Variants in TREH observed in about 807,000 individuals in gnomAD.
TREH encodes the protein trehalase.
Under a neutral mutation model 80.5 loss-of-function variants are expected in TREH, and 69 were observed. That is an observed-to-expected ratio of 0.86 (90% CI 0.71 to 1.05). The LOEUF (loss-of-function observed/expected upper bound fraction) is 1.05, where lower values mean the gene tolerates loss of function less well. Ranked by LOEUF, TREH falls within the 50% of genes least tolerant of loss-of-function variation. The pLI, the probability that TREH is intolerant of heterozygous loss-of-function variation, is 0.00. For synonymous variants in TREH, 309 were observed against 293.5 expected, an observed-to-expected ratio of 1.05 and a Z score of -0.54; for missense variants, 716 against 718.8, an observed-to-expected ratio of 1.00 and a Z score of 0.04.
chr11:118,679,102 G>C (rs1387654922), intron 1 of TREH, among the ~76,000 whole-genome samples: 5 of 152,182 alleles, frequency 3.3e-5, no homozygotes, highest in African/African-American at 1.2e-4. Flanking sequence ...CCCGACAGGG[G>C]GCGGTGGCTC....
Position 118,663,067 on chromosome 11 carries a change from G to A in TREH, c.320C>T (p.Ala107Val), listed in dbSNP as rs781890139. ...KGQELQPWTP[A>V]DWKDSPQFLQ... Reference sequence around the variant, plus strand: ...AGAGTCATACCTGTCTTTCCAGTCTGCAGGGGTCCAGGGCTGCAGCTCCTG... The same window carrying A: ...AGAGTCATACCTGTCTTTCCAGTCTACAGGGGTCCAGGGCTGCAGCTCCTG... Residue 107 changes from alanine to valine, a missense_variant, in exon 3 of 15, where the codon GCA (alanine) becomes GTA (valine). By Grantham distance (64) the Ala-to-Val change is moderately conservative. Transcript: ENST00000264029. 3 of 1,613,728 alleles carry A rather than the reference G, an allele frequency of 1.9e-6. No homozygotes were observed. Among genetic ancestry groups the A allele is most frequent in the Non-Finnish European group, 2.5e-6 (3 of 1,179,794 alleles).
Position 118,675,245 on chromosome 11 carries a change from G to C in TREH, c.89+4294C>G, listed in dbSNP as rs1159139608. 3.3e-5 allele frequency among the ~76,000 whole-genome samples: 5 copies of C among 152,098 alleles called. No individual in the cohort carries two copies. In the East Asian group the frequency reaches 9.6e-4, roughly 29 times the overall value. ...CCAACCCATATGTTTCAGTGAGTCA[G>C]GGTCATTCTAGTAAATCCACATTTT... On this transcript the variant is annotated intron_variant, in intron 1 of 14. Transcript: ENST00000264029.
At chr11:118,667,210 G>A (rs1183419974) in intron 1 of TREH, among the ~76,000 whole-genome samples, 2 of 151,454 alleles carry the variant, frequency 1.3e-5, no homozygotes, top group East Asian at 1.9e-4. Context: ...ACAAGGGTTC[G>A]CTCTATCACC....
chr11:118,676,570 C>T (rs1949480852), intron 1 of TREH, among the ~76,000 whole-genome samples: 1 of 208 alleles, frequency 4.8e-3, no homozygotes, highest in Admixed American at 0.038. Flanking sequence ...GAGTTTAAGA[C>T]CAGCTGGCCA....
chr11:118,658,618 G>T, intron 14 of TREH, 62 bp downstream of exon 14: 1 of 1,548,338 alleles, frequency 6.5e-7, no homozygotes. Context: ...TGGGGCGGGG[G>T]TCATGAGCAG....
chr11:118,661,274 A>T lies in TREH; in HGVS notation c.743T>A (p.Ile248Asn). ...GTCCAATTCCAAGGCTAGTGTTTCAATGTTTTCCCTGGAGTGAAGCAGACA... is the reference window on the plus strand; with the variant it reads ...GTCCAATTCCAAGGCTAGTGTTTCATTGTTTTCCCTGGAGTGAAGCAGACA... ...TNDTAFLQEN[I>N]ETLALELDFW... The change falls in exon 8 of 15, where the codon ATT becomes AAT. Residue 248 changes from isoleucine to asparagine, a missense_variant. Transcript: ENST00000264029. The surrounding 1 kb of genome is among the most constrained non-coding windows in gnomAD (Gnocchi z 4.2). 1.2e-6 allele frequency: 2 copies of T among 1,613,940 alleles called. No homozygotes were observed. Among genetic ancestry groups the T allele is most frequent in the Non-Finnish European group, 1.7e-6 (2 of 1,179,866 alleles).
intron 1 of TREH, among the ~76,000 whole-genome samples, chr11:118,666,794 T>C (rs558732351): frequency 2.6e-5 from 4 of 152,356 alleles, no homozygotes; most frequent in Admixed American, 2.0e-4. Flanking sequence ...CCTGTCCCAA[T>C]GAGCTCCATG....
chr11:118,658,867 A>G, intron 13 of TREH, 38 bp downstream of exon 13: 1 of 1,611,684 alleles, frequency 6.2e-7, no homozygotes, highest in Non-Finnish European at 8.5e-7. Flanking sequence ...GGCCACTGGG[A>G]CAGCCTGGGG....
In TREH at chr11:118,661,698, G is replaced by A. The variant is rs781867760; in HGVS notation, c.556C>T (p.Leu186Phe). The A allele has an allele frequency of 6.2e-6, 10 of 1,613,874 alleles. No individual in the cohort carries two copies. The South Asian group carries it at 1.1e-4, about 18-fold the overall frequency. Residue 186 changes from leucine (L) to phenylalanine (F), a missense_variant, in exon 6 of 15, where the codon CTC (leucine) becomes TTC (phenylalanine). Transcript: ENST00000264029. This position sits in a 1 kb window ranked among gnomAD's most constrained non-coding sequence, Gnocchi z 4.2. ...DSYWVMEGLL[L>F]SEMAETVKGM... ...TTCACCGTCTCAGCCATCTCTGAGAGGAGCAGACCCTCCATGACCCAGTAG... is the reference window on the plus strand; with the variant it reads ...TTCACCGTCTCAGCCATCTCTGAGAAGAGCAGACCCTCCATGACCCAGTAG...
Position 118,659,861 on chromosome 11 carries a change from G to A in TREH, c.1206C>T (p.Tyr402=), listed in dbSNP as rs782530896. ...WDEQTGAWFD[Y]DLEKKKKNRE... The stretch of plus-strand genomic sequence containing the variant: ...GGTTTTTCTTCTTCTTCTCAAGGTC[G>A]TAATCGAACCAGGCTCCGGTCTGCT... The change falls in exon 11 of 15, where the codon TAC becomes TAT. Residue 402 remains tyrosine (Y), a synonymous_variant. Transcript: ENST00000264029. The A allele has an allele frequency of 5.0e-5, 78 of 1,553,868 alleles. No homozygotes were observed. Among genetic ancestry groups the A allele is most frequent in the Middle Eastern group, 5.0e-4 (3 of 6,016 alleles).
chr11:118,663,114 G>C lies in TREH; in HGVS notation c.273C>G (p.His91Gln). Residue 91 changes from histidine (H) to glutamine (Q), a missense_variant, in exon 3 of 15, where the codon CAC (histidine) becomes CAG (glutamine). His to Gln is a conservative substitution (Grantham distance 24, BLOSUM62 0). Coordinates refer to ENST00000264029, the MANE Select transcript of TREH (RefSeq NM_007180.3). Reference protein sequence around the residue: ...IPREQLQAFVHEHFQAKGQEL... With the variant: ...IPREQLQAFVQEHFQAKGQEL... Reference sequence around the variant, plus strand: ...CCTGCCCCTTGGCCTGGAAGTGTTCGTGGACAAACGCCTGCAGCTGCTCCC... The same window carrying C: ...CCTGCCCCTTGGCCTGGAAGTGTTCCTGGACAAACGCCTGCAGCTGCTCCC... 1 of 1,613,996 alleles carries C rather than the reference G, an allele frequency of 6.2e-7. No homozygotes were observed. The highest frequency in any genetic ancestry group is 1.3e-5 in the African/African-American group (1 of 75,040).
chr11:118,666,875 A>C (rs1949382767), intron 1 of TREH, among the ~76,000 whole-genome samples: 1 of 151,844 alleles, frequency 6.6e-6, no homozygotes, highest in Admixed American at 6.6e-5. Context: ...GTTTTATTTT[A>C]TTTTTTATTA....
intron 10 of TREH, 94 bp from the exon 11 acceptor site, chr11:118,660,058 T>A (rs558788515): frequency 8.2e-7 from 1 of 1,218,902 alleles, no homozygotes; most frequent in South Asian, 1.4e-5. Flanking sequence ...CCGCTTTGTG[T>A]TTCTCTGCAA....
chr11:118,668,813 G>A (rs2508991), intron 1 of TREH, among the ~76,000 whole-genome samples: 48,661 of 151,606 alleles, frequency 0.32, 8,199 homozygotes, highest in Admixed American at 0.46. Context: ...GGTGGTGCAT[G>A]CCTGTAGTCC....
In TREH at chr11:118,674,859, C is replaced by T. The variant is rs1173051763; in HGVS notation, c.89+4680G>A. 1.3e-5 allele frequency among the ~76,000 whole-genome samples: 2 copies of T among 152,114 alleles called. No individual in the cohort carries two copies. The highest frequency in any genetic ancestry group is 4.8e-5 in the African/African-American group (2 of 41,424). ...ACCTGGCTGCATTTTTATATTCTCT[C>T]AATCTCATTGCAGTGCCCATCAGGA... On this transcript the variant is annotated intron_variant, in intron 1 of 14. Transcript: ENST00000264029. This position sits in a 1 kb window ranked among gnomAD's most constrained non-coding sequence, Gnocchi z 4.4.
intron 1 of TREH, among the ~76,000 whole-genome samples, chr11:118,676,651 C>G (rs1273649066): frequency 6.6e-6 from 1 of 151,842 alleles, no homozygotes; most frequent in Non-Finnish European, 1.5e-5. Flanking sequence ...CCTATAGTCC[C>G]AGCTACTTGG....
chr11:118,658,705 C>T lies in TREH; in HGVS notation c.1574G>A (p.Gly525Asp), dbSNP rs191186222. The change falls in exon 14 of 15, where the codon GGT (glycine) becomes GAT (aspartate). Residue 525 changes from glycine (G) to aspartate (D), a missense_variant. Physicochemically the swap from Gly to Asp is moderately conservative, Grantham distance 94. Coordinates refer to ENST00000264029, the MANE Select transcript of TREH (RefSeq NM_007180.3). ...CTGAACTTCATATTCTCCTCCCCCA[C>T]CGGGCTGTCCACCGTTGCTGACGTC... ...KYDVSNGGQPGGGGEYEVQEG... is the reference protein window; with the variant it reads ...KYDVSNGGQPDGGGEYEVQEG... The T allele has an allele frequency of 2.2e-5, 36 of 1,601,832 alleles. No homozygotes were observed. In the Middle Eastern group the frequency reaches 8.3e-4, roughly 37 times the overall value.
rs370991399 is a variant in TREH, at chr11:118,661,132, T to A, written c.857+28A>T. ...CTAACCAGAGTGAGCAGGTAAGAGA[T>A]TGAGGGGTGGGCTGCCCAGTTCCTC... is the stretch of plus-strand genomic sequence containing the variant. On this transcript the variant is annotated intron_variant, in intron 8 of 14. Transcript: ENST00000264029. This position sits in a 1 kb window ranked among gnomAD's most constrained non-coding sequence, Gnocchi z 4.2. 1.5e-5 allele frequency: 25 copies of A among 1,613,396 alleles called. No homozygotes were observed. In the African/African-American group the frequency reaches 3.2e-4, roughly 21 times the overall value.
intron 10 of TREH, 140 bp from the exon 11 acceptor site, chr11:118,660,104 G>T (rs1381878758): frequency 1.2e-6 from 1 of 808,140 alleles, no homozygotes; most frequent in Non-Finnish European, 1.9e-6. Flanking sequence ...GGGATGTGCC[G>T]ATCTGGAGCC....
Sources: allele counts gnomAD v4.1 joint callset (sites outside exome capture counted in the v4.1 genomes callset), GRCh38; gene constraint gnomAD v4.1.1; non-coding constraint Gnocchi (gnomAD v3.1); transcripts MANE v1.5; gene names NCBI Gene and HGNC (gene_info 2026-07-23, HGNC 2026-07-21).